The following VGLL4 variants were observed in gnomAD, a reference collection of about 807,000 sequenced individuals.
The protein encoded by VGLL4 is transcription cofactor vestigial-like protein 4.
In VGLL4, 7 loss-of-function variants were observed where a neutral mutation model predicts 21.0. The observed-to-expected ratio is 0.33, with a 90% CI of 0.19 to 0.63. The LOEUF (loss-of-function observed/expected upper bound fraction) is 0.63, where lower values mean the gene tolerates loss of function less well. Ranked by LOEUF, VGLL4 falls within the 20% of genes least tolerant of loss-of-function variation. The probability of loss-of-function intolerance (pLI) is 0.78; values close to 1 mark genes in which losing one functional copy is unlikely to be tolerated. For synonymous variants in VGLL4, 222 were observed against 173.2 expected (o/e 1.28, Z -2.21); for missense variants, 394 against 425.7 (o/e 0.93, Z 0.66).
At chr3:11,559,089 C>T (rs7617620) in intron 4 of VGLL4, among the ~76,000 whole-genome samples, 108,163 of 152,192 alleles carry the variant, frequency 0.71, 39,278 homozygotes, top group African/African-American at 0.87. Flanking sequence ...TAACAGTAGC[C>T]GCTGCCCTCC....
At position 11,573,214 on chromosome 3, in the gene VGLL4, G is replaced by A. The variant is rs550576103; in HGVS notation, c.273-8195C>T. 1.1e-4 allele frequency among the ~76,000 whole-genome samples: 16 copies of A among 146,738 alleles called. No individual in the cohort carries two copies. The East Asian group carries it at 3.2e-3, about 29-fold the overall frequency. On this transcript the variant is annotated intron_variant, in intron 2 of 4. Transcript: ENST00000430365. Reference sequence around the variant, plus strand: ...ACAGAAAGAAAGAAAAGAAGAGAGAGAGAGAAAGACAGACAGAAAGAAAAG... The same window carrying A: ...ACAGAAAGAAAGAAAAGAAGAGAGAAAGAGAAAGACAGACAGAAAGAAAAG...
At chr3:11,632,378 T>C (rs1189572064) in intron 1 of VGLL4, among the ~76,000 whole-genome samples, 1 of 152,206 alleles carries the variant, frequency 6.6e-6, no homozygotes, top group Non-Finnish European at 1.5e-5. Flanking sequence ...TTCATTCCTA[T>C]TAAGACCCAA....
intron 2 of VGLL4, among the ~76,000 whole-genome samples, chr3:11,598,888 C>A (rs1326550148): frequency 6.6e-6 from 1 of 152,182 alleles, no homozygotes; most frequent in Non-Finnish European, 1.5e-5. Context: ...TTAACAAACT[C>A]TAAGAAGATA....
chr3:11,611,988 T>C (rs1239063398), intron 1 of VGLL4: 2 of 152,054 alleles, frequency 1.3e-5, no homozygotes, highest in Non-Finnish European at 2.9e-5. Context: ...GGAGGGATGG[T>C]GTCTGCTGGC....
chr3:11,690,419 T>C (rs1342320774), intron 2 of VGLL4, among the ~76,000 whole-genome samples: 1 of 152,232 alleles, frequency 6.6e-6, no homozygotes, highest in Non-Finnish European at 1.5e-5. Flanking sequence ...AAAATCCAGA[T>C]TGTCCTCCTG....
chr3:11,701,616 A>C (rs181011174), intron 2 of VGLL4, among the ~76,000 whole-genome samples: 6 of 152,290 alleles, frequency 3.9e-5, no homozygotes, highest in Non-Finnish European at 7.3e-5. Context: ...CCTCATCAAC[A>C]CTTTGTAGGT....
chr3:11,564,958 C>T lies in VGLL4; in HGVS notation c.334G>A (p.Glu112Lys). 1 of 1,559,680 alleles carries T rather than the reference C, an allele frequency of 6.4e-7. No individual in the cohort carries two copies. Among genetic ancestry groups the T allele is most frequent in the Non-Finnish European group, 8.7e-7 (1 of 1,153,610 alleles). Residue 112 changes from glutamate (E) to lysine (K), a missense_variant, in exon 3 of 5, where the codon GAG (glutamate) becomes AAG (lysine). Physicochemically the swap from Glu to Lys is moderately conservative, Grantham distance 56. Coordinates refer to ENST00000430365, the MANE Select transcript of VGLL4 (RefSeq NM_001128219.3). ...DPRERSRSPI[E>K]RAVAPTMSLH... is the part of the protein sequence containing the mutation. Reference sequence around the variant, plus strand: ...CTCATGGTGGGGGCCACAGCGCGCTCGATGGGGCTGCGGCTCCGCTCCCGG... The same window carrying T: ...CTCATGGTGGGGGCCACAGCGCGCTTGATGGGGCTGCGGCTCCGCTCCCGG...
At chr3:11,670,399 C>T (rs2076188933) in intron 2 of VGLL4, among the ~76,000 whole-genome samples, 1 of 152,154 alleles carries the variant, frequency 6.6e-6, no homozygotes, top group African/African-American at 2.4e-5. Flanking sequence ...GTTTAAAATG[C>T]TAGCACTTTC....
chr3:11,590,680 G>C (rs7651324), intron 2 of VGLL4, among the ~76,000 whole-genome samples: 3,428 of 28,538 alleles, frequency 0.12, 114 homozygotes, highest in East Asian at 0.27. Flanking sequence ...GTGTGTGTGT[G>C]TGTGTGTGTG....
At chr3:11,673,290 A>T (rs1342010337) in intron 2 of VGLL4, among the ~76,000 whole-genome samples, 1 of 152,220 alleles carries the variant, frequency 6.6e-6, no homozygotes, top group Non-Finnish European at 1.5e-5. Context: ...CAGTATCCAT[A>T]AAACAGGGTG....
chr3:11,559,133 G>A (rs1285608435), intron 4 of VGLL4, among the ~76,000 whole-genome samples, 199 bp downstream of exon 4: 4 of 152,206 alleles, frequency 2.6e-5, no homozygotes, highest in African/African-American at 9.7e-5. Flanking sequence ...GGAACTGAGC[G>A]AGGCGGTGTG....
At chr3:11,620,606 T>C (rs961914345) in intron 1 of VGLL4, among the ~76,000 whole-genome samples, 1 of 152,184 alleles carries the variant, frequency 6.6e-6, no homozygotes, top group African/African-American at 2.4e-5. Context: ...AGCTACCTTT[T>C]CTACTGAGCC....
intron 2 of VGLL4, chr3:11,702,793 C>A: frequency 1.9e-5 from 7 of 360,404 alleles, no homozygotes; most frequent in East Asian, 5.3e-5. Context: ...AGTTAAAAGA[C>A]TTACATGTTC....
chr3:11,626,315 A>G (rs1441446440), intron 1 of VGLL4: 1 of 454,552 alleles, frequency 2.2e-6, no homozygotes, highest in Non-Finnish European at 4.4e-6. Context: ...ATACACTGCA[A>G]GCACACAAAC....
chr3:11,649,479 C>T (rs1210555687), intron 2 of VGLL4, among the ~76,000 whole-genome samples: 1 of 152,058 alleles, frequency 6.6e-6, no homozygotes, highest in African/African-American at 2.4e-5. Context: ...AATGAAGATG[C>T]GGATAAGGAA....
chr3:11,681,524 T>C lies in VGLL4; in HGVS notation c.64+21447A>G, dbSNP rs1032971217. 2.0e-5 allele frequency among the ~76,000 whole-genome samples: 3 copies of C among 152,194 alleles called. No individual in the cohort carries two copies. In the East Asian group the frequency reaches 5.8e-4, roughly 29 times the overall value. On this transcript the variant is annotated intron_variant, in intron 2 of 5. Transcript: ENST00000273038. ...GGAGCTGACCTTCCACCGGGCACCATGGGCACAGGGCCTTGGGCCCACAGC... is the reference window on the plus strand; with the variant it reads ...GGAGCTGACCTTCCACCGGGCACCACGGGCACAGGGCCTTGGGCCCACAGC...
At chr3:11,622,656 T>C (rs1386705565) in intron 1 of VGLL4, among the ~76,000 whole-genome samples, 1 of 152,258 alleles carries the variant, frequency 6.6e-6, no homozygotes, top group Non-Finnish European at 1.5e-5. Flanking sequence ...GCAAATTAAA[T>C]GGATGAGTGG....
At chr3:11,601,736 A>G in intron 2 of VGLL4, 97 bp downstream of exon 2, 1 of 1,330,254 alleles carries the variant, frequency 7.5e-7, no homozygotes. Flanking sequence ...CAAATAAAGT[A>G]TGCAAATGAT....
intron 2 of VGLL4, among the ~76,000 whole-genome samples, chr3:11,671,830 C>T (rs2076221938): frequency 6.6e-6 from 1 of 152,080 alleles, no homozygotes; most frequent in South Asian, 2.1e-4. Flanking sequence ...TTCAAAATGC[C>T]TTGCATTTTT....
Sources: gnomAD v4.1 joint callset for allele counts (sites outside exome capture counted in the v4.1 genomes callset) on GRCh38, gnomAD v4.1.1 for gene constraint, MANE v1.5 for transcripts, NCBI Gene and HGNC (gene_info 2026-07-23, HGNC 2026-07-21) for gene names.